The following CDH12 variants were observed in gnomAD, a reference collection of about 807,000 sequenced individuals.
CDH12 encodes cadherin-12.
Under a neutral mutation model 74.1 loss-of-function variants are expected in CDH12, and 41 were observed. That is an observed-to-expected ratio of 0.55 (90% CI 0.43 to 0.72). The LOEUF (loss-of-function observed/expected upper bound fraction) is 0.72, where lower values mean the gene tolerates loss of function less well. Among genes scored for constraint, CDH12 ranks in the 30% least tolerant of loss-of-function variants. The pLI, the probability that CDH12 is intolerant of heterozygous loss-of-function variation, is 0.00. For synonymous variants in CDH12, 399 were observed against 355.0 expected, an observed-to-expected ratio of 1.12 and a Z score of -1.39; for missense variants, 945 against 977.2, an observed-to-expected ratio of 0.97 and a Z score of 0.44.
intron 5 of CDH12, among the ~76,000 whole-genome samples, chr5:22,005,735 CA>C (rs1441721899): frequency 6.6e-6 from 1 of 152,134 alleles, no homozygotes; most frequent in Non-Finnish European, 1.5e-5. Flanking sequence ...CCACTCAAAA[CA>C]GTGTTTTGTT....
chr5:21,960,118 T>C (rs527475809), intron 6 of CDH12, among the ~76,000 whole-genome samples: 8 of 152,104 alleles, frequency 5.3e-5, no homozygotes, highest in East Asian at 1.9e-4. Context: ...CTGACAGTCA[T>C]AGACAGATCA....
chr5:22,795,987 T>C (rs1444589526), intron 1 of CDH12, among the ~76,000 whole-genome samples: 3 of 152,120 alleles, frequency 2.0e-5, no homozygotes, highest in Non-Finnish European at 4.4e-5. Flanking sequence ...TTTAATATAA[T>C]GTCCTCTAGG....
chr5:22,796,542 C>T (rs866811726), intron 1 of CDH12, among the ~76,000 whole-genome samples: 1 of 69,850 alleles, frequency 1.4e-5, no homozygotes, highest in Non-Finnish European at 2.3e-5. Context: ...TTTTTTGAGA[C>T]GGAGTCTCGC....
At position 21,996,105 on chromosome 5, in the gene CDH12, G is replaced by GTT. The variant is rs61516659; in HGVS notation, c.232-20722_232-20721dup. ...CAGGTACTTATAAGTTCACACACAC[G>GTT]TTTTTTTTTTTTTTTTTTTTTTTTT... is the stretch of plus-strand genomic sequence containing the variant. On this transcript the variant is annotated intron_variant, in intron 5 of 14. Coordinates refer to ENST00000382254, the MANE Select transcript of CDH12 (RefSeq NM_004061.5). 8.1e-4 allele frequency among the ~76,000 whole-genome samples: 92 copies of GTT among 113,616 alleles called. 3 individuals are homozygous for GTT. The highest frequency in any genetic ancestry group is 1.0e-3 in the Non-Finnish European group (54 of 51,554). The allele number at this position is 113,616 out of a possible 152,430, so 74.5% of individuals were successfully genotyped here.
chr5:22,032,200 G>C (rs183462177), intron 5 of CDH12, among the ~76,000 whole-genome samples: 4 of 151,894 alleles, frequency 2.6e-5, no homozygotes, highest in Admixed American at 1.3e-4. Context: ...AACATATAAT[G>C]TGCATATCTA....
chr5:22,800,557 C>T (rs1465497380), intron 1 of CDH12, among the ~76,000 whole-genome samples: 1 of 152,084 alleles, frequency 6.6e-6, no homozygotes, highest in Non-Finnish European at 1.5e-5. Flanking sequence ...TTGACACAAT[C>T]AATGTTTATA....
intron 3 of CDH12, among the ~76,000 whole-genome samples, chr5:22,356,745 C>A (rs763204351): frequency 6.6e-6 from 1 of 152,030 alleles, no homozygotes; most frequent in Admixed American, 6.6e-5. Flanking sequence ...CAATTTCAAT[C>A]CTATTTTGAT....
chr5:22,584,290 G>T (rs1187056192), intron 1 of CDH12, among the ~76,000 whole-genome samples: 1 of 152,088 alleles, frequency 6.6e-6, no homozygotes, highest in East Asian at 1.9e-4. Context: ...AGCAGAGACG[G>T]GGTTTCACCA....
At chr5:21,981,039 A>T (rs1408384703) in intron 5 of CDH12, among the ~76,000 whole-genome samples, 2 of 152,026 alleles carry the variant, frequency 1.3e-5, no homozygotes, top group Non-Finnish European at 2.9e-5. Flanking sequence ...TTCTATTTTC[A>T]TTCTTTCTGT....
chr5:22,114,268 G>C (rs927515797), intron 4 of CDH12, among the ~76,000 whole-genome samples: 12 of 151,992 alleles, frequency 7.9e-5, no homozygotes, highest in African/African-American at 2.9e-4. Context: ...TTGGTACTGT[G>C]TGCCATTGAA....
At chr5:22,405,878 A>G (rs1270740391) in intron 2 of CDH12, among the ~76,000 whole-genome samples, 1 of 152,182 alleles carries the variant, frequency 6.6e-6, no homozygotes, top group Non-Finnish European at 1.5e-5. Flanking sequence ...ATTTGCATAT[A>G]GCCTACACAC....
intron 1 of CDH12, among the ~76,000 whole-genome samples, chr5:22,579,194 G>A (rs190653674): frequency 6.6e-6 from 1 of 152,106 alleles, no homozygotes; most frequent in Non-Finnish European, 1.5e-5. Context: ...TTAAAAGACG[G>A]AGTTTATGAA....
At chr5:22,234,510 C>T (rs551009722) in intron 3 of CDH12, among the ~76,000 whole-genome samples, 147 of 152,058 alleles carry the variant, frequency 9.7e-4, no homozygotes, top group South Asian at 2.7e-3. Context: ...CCTCCCCAGC[C>T]ATGTGGACCT....
Position 21,975,358 on chromosome 5 carries a change from C to T in CDH12, c.259G>A (p.Gly87Ser). Residue 87 changes from glycine to serine, a missense_variant, in exon 6 of 15, where the codon GGC becomes AGC. This residue lies in a region of CDH12 where 148 missense variants were observed against 162.8 expected (regional missense o/e 0.91). Transcript: ENST00000382254. ...CCTGAGAGGGTGTATTTCACAGTGC[C>T]CTCTCCCTTGTCTAAGTCGGAATGG... ...KLHSDLDKGE[G>S]TVKYTLSGDG... 6.3e-7 allele frequency: 1 copy of T among 1,596,074 alleles called. No individual in the cohort carries two copies. The highest frequency in any genetic ancestry group is 8.5e-7 in the Non-Finnish European group (1 of 1,179,232).
intron 8 of CDH12, among the ~76,000 whole-genome samples, chr5:21,828,908 C>CTTTT (rs70957070): frequency 5.0e-5 from 6 of 119,272 alleles, no homozygotes; most frequent in South Asian, 2.5e-4. Flanking sequence ...AATCCTATGT[C>CTTTT]TTTTTTTTTT....
intron 2 of CDH12, among the ~76,000 whole-genome samples, chr5:22,406,195 TACA>T (rs1313308340): frequency 6.6e-6 from 1 of 152,168 alleles, no homozygotes; most frequent in Non-Finnish European, 1.5e-5. Context: ...CTTTAATCAT[TACA>T]ACAACCTTCC....
intron 3 of CDH12, among the ~76,000 whole-genome samples, chr5:22,289,262 A>C (rs551697044): frequency 1.6e-4 from 24 of 152,262 alleles, no homozygotes; most frequent in African/African-American, 5.5e-4. Context: ...AAAATCTTAT[A>C]ATCTTTAGAA....
chr5:22,684,803 A>T (rs1741675146), intron 1 of CDH12, among the ~76,000 whole-genome samples: 1 of 152,206 alleles, frequency 6.6e-6, no homozygotes, highest in African/African-American at 2.4e-5. Flanking sequence ...ATACACACAG[A>T]TCACTTGAGT....
intron 3 of CDH12, among the ~76,000 whole-genome samples, chr5:22,266,005 A>G (rs1206194539): frequency 6.6e-6 from 1 of 151,932 alleles, no homozygotes; most frequent in Non-Finnish European, 1.5e-5. Context: ...CCCATTAAAT[A>G]TGTGTGATGC....
Sources: allele counts gnomAD v4.1 joint callset (sites outside exome capture counted in the v4.1 genomes callset), GRCh38; gene constraint gnomAD v4.1.1; regional missense constraint gnomAD v4.1.1; transcripts MANE v1.5; gene names NCBI Gene and HGNC (gene_info 2026-07-23, HGNC 2026-07-21).